The following PRKAR1B variants were observed in gnomAD, a reference collection of about 807,000 sequenced individuals.
The protein encoded by PRKAR1B is cAMP-dependent protein kinase type I-beta regulatory subunit.
PRKAR1B carries 22 observed loss-of-function variants against 46.5 expected under a neutral mutation model. The ratio of observed to expected loss-of-function variants is 0.47; its 90% CI spans 0.34 to 0.68. The LOEUF is 0.68. PRKAR1B is among the 30% of genes least tolerant of loss of function. The pLI, the probability that PRKAR1B is intolerant of heterozygous loss-of-function variation, is 0.01. For missense variants in PRKAR1B, 445 were observed against 535.6 expected, an observed-to-expected ratio of 0.83 and a Z score of 1.67; for synonymous variants, 259 against 217.7, an observed-to-expected ratio of 1.19 and a Z score of -1.67.
chr7:600,315 G>A (rs1020791838), intron 6 of PRKAR1B, among the ~76,000 whole-genome samples: 1 of 152,022 alleles, frequency 6.6e-6, no homozygotes, highest in African/African-American at 2.4e-5. Flanking sequence ...GACCAGCCTG[G>A]GCAACACAGC....
intron 4 of PRKAR1B, among the ~76,000 whole-genome samples, chr7:663,836 G>A (rs749823743): frequency 4.6e-5 from 7 of 152,270 alleles, no homozygotes; most frequent in Middle Eastern, 3.4e-3. Flanking sequence ...AACTCAGGGA[G>A]CGTGAGTTAC....
chr7:618,070 C>T (rs1337641864), intron 4 of PRKAR1B, among the ~76,000 whole-genome samples: 1 of 151,912 alleles, frequency 6.6e-6, no homozygotes, highest in Non-Finnish European at 1.5e-5. Context: ...AGTGCAGGCT[C>T]CTCCCCACCA....
chr7:647,800 G>A (rs1171120526), intron 4 of PRKAR1B, among the ~76,000 whole-genome samples: 3 of 94,818 alleles, frequency 3.2e-5, no homozygotes, highest in African/African-American at 4.5e-5. Context: ...ACGAGACTTC[G>A]TCTCCAAAAA....
intron 10 of PRKAR1B, among the ~76,000 whole-genome samples, 159 bp downstream of exon 10, chr7:551,229 CA>C (rs1784172705): frequency 6.6e-6 from 1 of 152,126 alleles, no homozygotes; most frequent in African/African-American, 2.4e-5. Flanking sequence ...TTTGGGGGAA[CA>C]GGACTGAGCC....
chr7:727,152 G>C, intron 1 of PRKAR1B, 58 bp downstream of exon 1: 1 of 1,273,120 alleles, frequency 7.9e-7, no homozygotes, highest in Non-Finnish European at 9.9e-7. Flanking sequence ...TGCGCCTGGC[G>C]CTTGTGCAGC....
At chr7:564,639 T>C (rs1177345373) in intron 9 of PRKAR1B, among the ~76,000 whole-genome samples, 1 of 152,186 alleles carries the variant, frequency 6.6e-6, no homozygotes, top group East Asian at 1.9e-4. Context: ...CCTAGGCCTC[T>C]TCCCGCAGCA....
At chr7:652,179 A>G (rs1784937469) in intron 4 of PRKAR1B, among the ~76,000 whole-genome samples, 1 of 141,668 alleles carries the variant, frequency 7.1e-6, no homozygotes, top group African/African-American at 2.8e-5. Context: ...CCCTCTCGGA[A>G]CACAGTTCAC....
At chr7:646,951 C>T (rs1008278963) in intron 4 of PRKAR1B, among the ~76,000 whole-genome samples, 3 of 152,170 alleles carry the variant, frequency 2.0e-5, no homozygotes, top group Non-Finnish European at 4.4e-5. Context: ...GGCAGGGAGC[C>T]GGGGGCCCTG....
At position 680,710 on chromosome 7, in the gene PRKAR1B, A is replaced by C. The variant is rs530700943; in HGVS notation, c.194T>G (p.Ile65Ser). The C allele has an allele frequency of 6.2e-6, 10 of 1,613,918 alleles. No homozygotes were observed. The East Asian group carries it at 2.0e-4, about 32-fold the overall frequency. ...TGAGTTTGACTTTTGCCGCGCCAAA[A>C]TCTGCCTGTTTTCTTCCTGTGTGGG... ...EKLEKEENRQ[I>S]LARQKSNSQS... The change falls in exon 3 of 11, where the codon ATT becomes AGT. Residue 65 changes from isoleucine to serine, a missense_variant. Physicochemically the swap from Ile to Ser is moderately radical, Grantham distance 142. Coordinates refer to ENST00000537384, the MANE Select transcript of PRKAR1B (RefSeq NM_001164760.2).
At chr7:647,447 C>T (rs530196988) in intron 4 of PRKAR1B, among the ~76,000 whole-genome samples, 1 of 152,144 alleles carries the variant, frequency 6.6e-6, no homozygotes, top group Non-Finnish European at 1.5e-5. Flanking sequence ...GCTCCCACTC[C>T]GTCCGGTCTT....
In PRKAR1B at chr7:690,832, G is replaced by A. The variant is rs545686082; in HGVS notation, c.178-10106C>T. ...ACAACACCCAGCAGTCCTGTGTCCAGCTGCACAAATGGGTGCCAGCTCCAA... is the reference window on the plus strand; with the variant it reads ...ACAACACCCAGCAGTCCTGTGTCCAACTGCACAAATGGGTGCCAGCTCCAA... On this transcript the variant is annotated intron_variant, in intron 2 of 10. Transcript: ENST00000537384. Among the ~76,000 whole-genome samples, 5 of 152,142 alleles carry A rather than the reference G, an allele frequency of 3.3e-5. No individual in the cohort carries two copies. The South Asian group carries it at 1.0e-3, about 32-fold the overall frequency.
chr7:686,737 A>G (rs1779116769), intron 2 of PRKAR1B, among the ~76,000 whole-genome samples: 1 of 152,110 alleles, frequency 6.6e-6, no homozygotes, highest in African/African-American at 2.4e-5. Context: ...GCAGAGAAGA[A>G]TTAATTACAA....
intron 1 of PRKAR1B, among the ~76,000 whole-genome samples, chr7:719,086 C>T (rs1780985048): frequency 6.6e-6 from 1 of 151,930 alleles, no homozygotes; most frequent in Non-Finnish European, 1.5e-5. Flanking sequence ...TGTCACCAGG[C>T]TGGAGTGCAG....
intron 7 of PRKAR1B, among the ~76,000 whole-genome samples, chr7:595,268 G>C (rs1781207215): frequency 6.6e-6 from 1 of 152,210 alleles, no homozygotes; most frequent in Non-Finnish European, 1.5e-5. Flanking sequence ...CCTGCCCTGA[G>C]GCTCTGCTCA....
chr7:594,779 G>C (rs1197595467), intron 7 of PRKAR1B, among the ~76,000 whole-genome samples: 1 of 152,038 alleles, frequency 6.6e-6, no homozygotes, highest in Non-Finnish European at 1.5e-5. Context: ...CAGACCATGA[G>C]AGGACCCCAA....
chr7:685,189 A>G (rs1778935196), intron 2 of PRKAR1B, among the ~76,000 whole-genome samples: 1 of 146,272 alleles, frequency 6.8e-6, no homozygotes, highest in Non-Finnish European at 1.5e-5. Flanking sequence ...ACAGAGAAAA[A>G]CCATGTCTGT....
chr7:673,045 TAAAAAAAAAAAAAAAA>T (rs992683667), intron 4 of PRKAR1B, among the ~76,000 whole-genome samples: 351 of 26,570 alleles, frequency 0.013, 13 homozygotes, highest in African/African-American at 0.049. Context: ...GCCTTGTCTT[TAAAAAAAAAAAAAAAA>T]AAAAAAAAAA....
chr7:563,568 G>A (rs1216720576), intron 9 of PRKAR1B, among the ~76,000 whole-genome samples: 3 of 152,054 alleles, frequency 2.0e-5, no homozygotes, highest in Non-Finnish European at 2.9e-5. Flanking sequence ...ACGTGTGAGT[G>A]CGTGCACAGG....
chr7:553,324 C>T (rs1319307363), intron 9 of PRKAR1B, among the ~76,000 whole-genome samples: 2 of 152,348 alleles, frequency 1.3e-5, no homozygotes, highest in Non-Finnish European at 2.9e-5. Context: ...TGCACGCCGC[C>T]GGCCTCAGAC....
Sources: allele counts gnomAD v4.1 joint callset (sites outside exome capture counted in the v4.1 genomes callset), GRCh38; gene constraint gnomAD v4.1.1; transcripts MANE v1.5; gene names NCBI Gene and HGNC (gene_info 2026-07-23, HGNC 2026-07-21).